SPINK4: variants seen among roughly 807,000 people sequenced by gnomAD.
The protein encoded by SPINK4 is serine protease inhibitor Kazal-type 4.
A neutral mutation model predicts 12.3 loss-of-function variants in SPINK4; 10 were observed. That is an observed-to-expected ratio of 0.81 (90% CI 0.50 to 1.37). The LOEUF is 1.37. Ranked by LOEUF, SPINK4 falls within the 40% of genes most tolerant of loss-of-function variation. The probability of loss-of-function intolerance (pLI) is 0.00; values close to 1 mark genes in which losing one functional copy is unlikely to be tolerated. For missense variants in SPINK4, 91 were observed against 109.0 expected (o/e 0.84, Z 0.73); for synonymous variants, 37 against 40.2 (o/e 0.92, Z 0.30).
At chr9:33,244,119 C>T (rs1424065195) in intron 1 of SPINK4, among the ~76,000 whole-genome samples, 2 of 152,202 alleles carry the variant, frequency 1.3e-5, no homozygotes, top group Non-Finnish European at 2.9e-5. Flanking sequence ...TACATAAACG[C>T]CCTTCCTTCC....
chr9:33,241,003 G>A (rs547958), intron 1 of SPINK4, among the ~76,000 whole-genome samples: 53,784 of 152,070 alleles, frequency 0.35, 12,119 homozygotes, highest in African/African-American at 0.65. Context: ...AAAAATACTT[G>A]GCAGGGTGAT....
At chr9:33,244,854 T>C (rs1820270580) in intron 1 of SPINK4, among the ~76,000 whole-genome samples, 1 of 152,194 alleles carries the variant, frequency 6.6e-6, no homozygotes, top group Non-Finnish European at 1.5e-5. Context: ...GACACAACAA[T>C]TCCAGTGGGA....
intron 3 of SPINK4, among the ~76,000 whole-genome samples, chr9:33,247,061 T>C (rs573595880): frequency 2.0e-5 from 3 of 152,192 alleles, no homozygotes; most frequent in South Asian, 2.1e-4. Context: ...GCACTGGGGC[T>C]AGAACAGAGC....
chr9:33,245,172 T>C lies in SPINK4; in HGVS notation c.102+20T>C. On this transcript the variant is annotated intron_variant, in intron 2 of 3. Transcript: ENST00000379721. Reference sequence around the variant, plus strand: ...AGAATGGTAAGGCAGCTGCGTGTTGTTCTCACCTTCTCTCTGCTGAGAGGA... The same window carrying C: ...AGAATGGTAAGGCAGCTGCGTGTTGCTCTCACCTTCTCTCTGCTGAGAGGA... 6.2e-7 allele frequency: 1 copy of C among 1,611,198 alleles called. No individual in the cohort carries two copies. Among genetic ancestry groups the C allele is most frequent in the East Asian group, 2.2e-5 (1 of 44,850 alleles).
rs377634265 is a variant in SPINK4, at chr9:33,246,696, T to C, written c.183T>C (p.Tyr61=). Reference sequence around the variant, plus strand: ...TCTGCGGCACTGATGGGCTCACATATACGAATGAATGCCAGCTCTGCTTGG... The same window carrying C: ...TCTGCGGCACTGATGGGCTCACATACACGAATGAATGCCAGCTCTGCTTGG... ...NLVCGTDGLT[Y]TNECQLCLAR... Residue 61 remains tyrosine (Y), a synonymous_variant, in exon 3 of 4, where the codon TAT becomes TAC. Transcript: ENST00000379721. 1 of 1,613,956 alleles carries C rather than the reference T, an allele frequency of 6.2e-7. No individual in the cohort carries two copies. The highest frequency in any genetic ancestry group is 8.5e-7 in the Non-Finnish European group (1 of 1,179,974).
rs1300270095 is a variant in SPINK4, at chr9:33,248,281, T to C, written c.216-145T>C. 17 of 725,306 alleles carry C rather than the reference T, an allele frequency of 2.3e-5. No homozygotes were observed. In the East Asian group the frequency reaches 4.6e-4, roughly 20 times the overall value. 44.9% of individuals were successfully genotyped at this position (725,306 alleles called of 1,614,324 possible). A position where few individuals can be genotyped will look rare whatever the true frequency, so the allele number is the denominator to read the frequency against. ...GAAAAGCTGTAGAAGGATGTGCCCA[T>C]GGACCCTTGGGATCTGCCCTGTATC... On this transcript the variant is annotated intron_variant, in intron 3 of 3. Transcript: ENST00000379721.
intron 1 of SPINK4, among the ~76,000 whole-genome samples, chr9:33,240,667 G>A (rs1402527967): frequency 6.6e-6 from 1 of 152,148 alleles, no homozygotes; most frequent in Non-Finnish European, 1.5e-5. Flanking sequence ...GAGAGACCTG[G>A]CCGAGGTCTT....
At chr9:33,246,060 T>A (rs1208817172) in intron 2 of SPINK4, among the ~76,000 whole-genome samples, 1 of 152,140 alleles carries the variant, frequency 6.6e-6, no homozygotes, top group Non-Finnish European at 1.5e-5. Flanking sequence ...CTAAAACCCT[T>A]TCAGACAGCC....
intron 1 of SPINK4, among the ~76,000 whole-genome samples, chr9:33,242,332 A>G (rs920246047): frequency 6.6e-6 from 1 of 152,202 alleles, no homozygotes; most frequent in Admixed American, 6.5e-5. Context: ...AGATCTGCTC[A>G]GGAAACTGTT....
rs973943842 is a variant in SPINK4, at chr9:33,246,729, G to T, written c.215+1G>T. The stretch of plus-strand genomic sequence containing the variant: ...AATGCCAGCTCTGCTTGGCCCGGAT[G>T]TAAGTCTGCCCCACAACCCCTGCTT... On this transcript the variant is annotated splice_donor_variant, in intron 3 of 3. Coordinates refer to ENST00000379721, the MANE Select transcript of SPINK4 (RefSeq NM_014471.3). LOFTEE classifies it high-confidence loss of function. 2 of 1,613,594 alleles carry T rather than the reference G, an allele frequency of 1.2e-6. No individual in the cohort carries two copies. The highest frequency in any genetic ancestry group is 2.2e-5 in the East Asian group (1 of 44,882).
rs762670866 is a variant in SPINK4, at chr9:33,248,407, C to T, written c.216-19C>T. The T allele has an allele frequency of 1.2e-6, 2 of 1,613,814 alleles. No homozygotes were observed. The highest frequency in any genetic ancestry group is 1.7e-6 in the Non-Finnish European group (2 of 1,179,962). ...AGCTCCTGAGAAGGTAGCCTCATGC[C>T]TGTCTTCTTTGATCCTAGAAAAACC... On this transcript the variant is annotated intron_variant, in intron 3 of 3. Coordinates refer to ENST00000379721, the MANE Select transcript of SPINK4 (RefSeq NM_014471.3).
At chr9:33,241,332 G>C (rs1016156219) in intron 1 of SPINK4, among the ~76,000 whole-genome samples, 7 of 152,200 alleles carry the variant, frequency 4.6e-5, no homozygotes, top group African/African-American at 1.7e-4. Context: ...GACTAAAATG[G>C]GAGGCACTGA....
chr9:33,245,113 A>G lies in SPINK4; in HGVS notation c.63A>G (p.Glu21=). 1 of 1,613,836 alleles carries G rather than the reference A, an allele frequency of 6.2e-7. No homozygotes were observed. The highest frequency in any genetic ancestry group is 8.5e-7 in the Non-Finnish European group (1 of 1,179,870). The stretch of plus-strand genomic sequence containing the variant: ...AATTCTTGCTTCTTTGTGTTTCAGA[A>G]GTGCCAGTGGCAGCAGGAAAGCTCC... The part of the protein sequence containing the change: ...ALAALLVVDR[E]VPVAAGKLPF... The change falls in exon 2 of 4, where the codon GAA becomes GAG. Residue 21 remains glutamate, a splice_region_variant and synonymous_variant. Coordinates refer to ENST00000379721, the MANE Select transcript of SPINK4 (RefSeq NM_014471.3).
chr9:33,245,424 C>T (rs1216610787), intron 2 of SPINK4, among the ~76,000 whole-genome samples: 2 of 152,160 alleles, frequency 1.3e-5, no homozygotes, highest in African/African-American at 4.8e-5. Flanking sequence ...GTGAGATCTC[C>T]CCACCCAGGC....
At chr9:33,242,519 T>C (rs1382379577) in intron 1 of SPINK4, among the ~76,000 whole-genome samples, 32 of 151,914 alleles carry the variant, frequency 2.1e-4, no homozygotes, top group Admixed American at 2.1e-3. Context: ...TGGAGAGGTG[T>C]ACTGGGAAGT....
In SPINK4 at chr9:33,246,657, G is replaced by C; in HGVS notation, c.144G>C (p.Gln48His). The C allele has an allele frequency of 6.2e-7, 1 of 1,614,030 alleles. No homozygotes were observed. The highest frequency in any genetic ancestry group is 8.5e-7 in the Non-Finnish European group (1 of 1,180,012). Residue 48 changes from glutamine to histidine, a missense_variant, in exon 3 of 4, where the codon CAG becomes CAC. Transcript: ENST00000379721. The stretch of plus-strand genomic sequence containing the variant: ...TGGTAGAGTCTCCAACCTGTTCCCA[G>C]ATGTCCAACCTGGTCTGCGGCACTG... ...EHMVESPTCS[Q>H]MSNLVCGTDG...
chr9:33,248,340 A>G (rs1306533013), intron 3 of SPINK4, 86 bp from the exon 4 acceptor site: 1 of 1,419,522 alleles, frequency 7.0e-7, no homozygotes, highest in Non-Finnish European at 9.9e-7. Flanking sequence ...GCTCAGCAGG[A>G]TGTCTGGATG....
intron 1 of SPINK4, among the ~76,000 whole-genome samples, chr9:33,242,824 C>T (rs1390635527): frequency 1.3e-5 from 2 of 151,032 alleles, no homozygotes; most frequent in East Asian, 1.9e-4. Flanking sequence ...TCCATAGCCC[C>T]AGAAATTCCC....
chr9:33,248,349 T>C, intron 3 of SPINK4, 77 bp from the exon 4 acceptor site: 1 of 1,504,770 alleles, frequency 6.6e-7, no homozygotes, highest in Non-Finnish European at 9.2e-7. Context: ...GATGTCTGGA[T>C]GGACTGTGCC....
Sources: gnomAD v4.1 joint callset for allele counts (sites outside exome capture counted in the v4.1 genomes callset) on GRCh38, gnomAD v4.1.1 for gene constraint, MANE v1.5 for transcripts, NCBI Gene and HGNC (gene_info 2026-07-23, HGNC 2026-07-21) for gene names.